The following DOCK1 variants were observed in gnomAD, a reference collection of about 807,000 sequenced individuals.
DOCK1 encodes dedicator of cytokinesis 1, also known as dedicator of cytokinesis protein 1.
DOCK1 carries 138 observed loss-of-function variants against 262.7 expected under a neutral mutation model. The ratio of observed to expected loss-of-function variants is 0.53; its 90% CI spans 0.46 to 0.61. DOCK1 has a LOEUF of 0.61. DOCK1 is among the 20% of genes least tolerant of loss of function. The pLI, the probability that DOCK1 is intolerant of heterozygous loss-of-function variation, is 0.00. For synonymous variants in DOCK1, 866 were observed against 867.4 expected (o/e 1.00, Z 0.03); for missense variants, 1,908 against 2,370.7 (o/e 0.80, Z 4.05).
chr10:127,127,337 A>T (rs1168944526), intron 26 of DOCK1, among the ~76,000 whole-genome samples: 1 of 152,214 alleles, frequency 6.6e-6, no homozygotes, highest in African/African-American at 2.4e-5. Flanking sequence ...CCATTTACAG[A>T]TGGCCAAATA....
chr10:127,409,559 C>T (rs1472564753), intron 42 of DOCK1, among the ~76,000 whole-genome samples, 168 bp downstream of exon 42: 1 of 152,060 alleles, frequency 6.6e-6, no homozygotes, highest in Non-Finnish European at 1.5e-5. Context: ...TTTTCAGCAT[C>T]CAAAAAAAGT....
At chr10:126,984,693 A>T (rs1323413967) in intron 4 of DOCK1, among the ~76,000 whole-genome samples, 1 of 152,090 alleles carries the variant, frequency 6.6e-6, no homozygotes, top group African/African-American at 2.4e-5. Flanking sequence ...AGATTTGACA[A>T]ATAAAAATTG....
intron 48 of DOCK1, among the ~76,000 whole-genome samples, chr10:127,435,689 C>T (rs1405566682): frequency 6.6e-6 from 1 of 152,126 alleles, no homozygotes; most frequent in African/African-American, 2.4e-5. Flanking sequence ...GTGAATTGCA[C>T]ATGTGAGCTC....
chr10:127,427,218 G>A (rs1051459844), intron 47 of DOCK1, among the ~76,000 whole-genome samples: 11 of 152,142 alleles, frequency 7.2e-5, no homozygotes, highest in Admixed American at 4.6e-4. Context: ...TCAACTCCCC[G>A]GCAAAAGGAA....
intron 27 of DOCK1, among the ~76,000 whole-genome samples, chr10:127,149,089 T>C (rs2052210977): frequency 6.6e-6 from 1 of 152,144 alleles, no homozygotes; most frequent in South Asian, 2.1e-4. Context: ...AGCTGAGGAA[T>C]GCCTTGTGAC....
intron 33 of DOCK1, among the ~76,000 whole-genome samples, chr10:127,366,648 C>T (rs2064930052): frequency 6.7e-6 from 1 of 149,602 alleles, no homozygotes; most frequent in African/African-American, 2.5e-5. Context: ...CTTCCTAAAG[C>T]ACAAGGGATG....
In DOCK1 at chr10:127,100,387, G is replaced by A. The variant is rs1418575226; in HGVS notation, c.2446-5844G>A. 1.3e-5 allele frequency among the ~76,000 whole-genome samples: 2 copies of A among 152,188 alleles called. No homozygotes were observed. Among genetic ancestry groups the A allele is most frequent in the South Asian group, 2.1e-4 (1 of 4,832 alleles). On this transcript the variant is annotated intron_variant, in intron 23 of 51. Coordinates refer to ENST00000623213, the MANE Select transcript of DOCK1 (RefSeq NM_001290223.2). This position sits in a 1 kb window ranked among gnomAD's most constrained non-coding sequence, Gnocchi z 5.5. ...GGTGTGATGCCCAGGCCTGTGGCATGCAGCTGGGGCTTGGCGGTGCAGCGC... is the reference window on the plus strand; with the variant it reads ...GGTGTGATGCCCAGGCCTGTGGCATACAGCTGGGGCTTGGCGGTGCAGCGC...
chr10:127,257,491 C>G, intron 29 of DOCK1, 62 bp downstream of exon 29: 2 of 1,465,898 alleles, frequency 1.4e-6, no homozygotes, highest in South Asian at 1.2e-5. Flanking sequence ...CTGCTGGGAA[C>G]AGTGGTGTTG....
chr10:126,960,745 T>TATATATATATATACACAC (rs1429186588), intron 1 of DOCK1, among the ~76,000 whole-genome samples: 3 of 115,532 alleles, frequency 2.6e-5, no homozygotes, highest in South Asian at 2.4e-4. Context: ...TATATATATA[T>TATATATATATATACACAC]ACACACACAC....
At chr10:127,112,006 C>T (rs572765054) in intron 25 of DOCK1, among the ~76,000 whole-genome samples, 1 of 150,740 alleles carries the variant, frequency 6.6e-6, no homozygotes, top group African/African-American at 2.5e-5. Context: ...ATGAAAGATT[C>T]AATTAGATTT....
At chr10:127,417,160 G>T (rs1341520423) in intron 44 of DOCK1, among the ~76,000 whole-genome samples, 1 of 152,226 alleles carries the variant, frequency 6.6e-6, no homozygotes, top group Non-Finnish European at 1.5e-5. Flanking sequence ...AGGGCTCTTG[G>T]GCATGGGTGG....
intron 21 of DOCK1, among the ~76,000 whole-genome samples, chr10:127,046,392 G>C (rs958727833): frequency 1.3e-5 from 2 of 152,134 alleles, no homozygotes; most frequent in African/African-American, 2.4e-5. Context: ...GAGAGCATCA[G>C]GGCTCCCTAC....
intron 29 of DOCK1, among the ~76,000 whole-genome samples, chr10:127,281,593 A>G (rs1055437696): frequency 5.3e-5 from 8 of 152,144 alleles, no homozygotes; most frequent in African/African-American, 1.4e-4. Context: ...GCCTCACCAC[A>G]TATTAGAGAT....
intron 29 of DOCK1, among the ~76,000 whole-genome samples, chr10:127,300,219 A>G (rs2061635240): frequency 6.6e-6 from 1 of 152,202 alleles, no homozygotes; most frequent in Non-Finnish European, 1.5e-5. Context: ...ATTGCCGCCT[A>G]GAGACCACCA....
chr10:126,993,512 A>G (rs913800714), intron 6 of DOCK1, among the ~76,000 whole-genome samples: 2 of 152,206 alleles, frequency 1.3e-5, no homozygotes, highest in African/African-American at 4.8e-5. Context: ...GGGATAGGAT[A>G]AGGAGTAGTA....
intron 38 of DOCK1, among the ~76,000 whole-genome samples, chr10:127,400,189 A>G (rs2067139991): frequency 6.6e-6 from 1 of 152,064 alleles, no homozygotes; most frequent in Admixed American, 6.6e-5. Context: ...TCATCAAAAA[A>G]AAAAAAAAGC....
At chr10:126,918,061 G>T (rs2032714011) in intron 1 of DOCK1, among the ~76,000 whole-genome samples, 1 of 152,204 alleles carries the variant, frequency 6.6e-6, no homozygotes, top group Non-Finnish European at 1.5e-5. Flanking sequence ...CCTGCCTGAG[G>T]CTCATTGCCT....
chr10:127,444,324 G>C (rs1230266552), intron 50 of DOCK1, 45 bp downstream of exon 50: 7 of 1,538,260 alleles, frequency 4.6e-6, no homozygotes, highest in African/African-American at 2.8e-5. Context: ...ATAGCTCCGT[G>C]ACTTCCCCTC....
chr10:126,977,858 C>T, intron 2 of DOCK1, 90 bp from the exon 3 acceptor site: 2 of 1,296,000 alleles, frequency 1.5e-6, no homozygotes, highest in Non-Finnish European at 2.2e-6. Flanking sequence ...ACTGGTTCTG[C>T]CAAACAGTGA....
Sources: gnomAD v4.1 joint callset for allele counts (sites outside exome capture counted in the v4.1 genomes callset) on GRCh38, gnomAD v4.1.1 for gene constraint, Gnocchi (gnomAD v3.1) non-coding constraint, MANE v1.5 for transcripts, NCBI Gene and HGNC (gene_info 2026-07-23, HGNC 2026-07-21) for gene names.